The following CA10 variants were observed in gnomAD, a reference collection of about 807,000 sequenced individuals.
CA10 encodes carbonic anhydrase 10 (inactive).
In CA10, 14 loss-of-function variants were observed where a neutral mutation model predicts 44.2. The ratio of observed to expected loss-of-function variants is 0.32; its 90% CI spans 0.21 to 0.50. The LOEUF (loss-of-function observed/expected upper bound fraction) is 0.50. CA10 is among the 20% of genes least tolerant of loss of function. The pLI is 0.99. For synonymous variants in CA10, 159 were observed against 141.6 expected (o/e 1.12, Z -0.87); for missense variants, 350 against 409.7 (o/e 0.85, Z 1.26).
intron 1 of CA10, among the ~76,000 whole-genome samples, chr17:52,128,890 A>G (rs992991054): frequency 6.6e-6 from 1 of 152,056 alleles, no homozygotes; most frequent in African/African-American, 2.4e-5. Context: ...CTTTTGAATC[A>G]CCTTCCAATT....
chr17:52,150,359 A>G (rs1989677389), intron 1 of CA10, among the ~76,000 whole-genome samples: 1 of 152,164 alleles, frequency 6.6e-6, no homozygotes, highest in Admixed American at 6.6e-5. Context: ...TACAATGCCT[A>G]TCACATTCTG....
At chr17:51,789,455 A>G (rs572568551) in intron 3 of CA10, among the ~76,000 whole-genome samples, 15 of 152,288 alleles carry the variant, frequency 9.8e-5, no homozygotes, top group South Asian at 2.1e-4. Context: ...AGTTTCTTCT[A>G]TGTTCCATCA....
intron 2 of CA10, among the ~76,000 whole-genome samples, chr17:52,021,553 G>A (rs1986140418): frequency 6.6e-6 from 1 of 151,842 alleles, no homozygotes; most frequent in Admixed American, 6.6e-5. Context: ...CTGATAATTA[G>A]TAATGTTGTA....
chr17:51,803,978 T>C (rs1467385729), intron 3 of CA10, among the ~76,000 whole-genome samples: 1 of 152,196 alleles, frequency 6.6e-6, no homozygotes, highest in African/African-American at 2.4e-5. Context: ...ACTTGGATAC[T>C]CACTGGCCGT....
At chr17:51,932,463 G>C (rs1202735220) in intron 2 of CA10, among the ~76,000 whole-genome samples, 1 of 152,120 alleles carries the variant, frequency 6.6e-6, no homozygotes, top group Non-Finnish European at 1.5e-5. Flanking sequence ...ATAGGCAACT[G>C]TAACAGACAT....
intron 4 of CA10, among the ~76,000 whole-genome samples, chr17:51,673,592 G>T (rs916139511): frequency 6.6e-6 from 1 of 152,144 alleles, no homozygotes; most frequent in Admixed American, 6.5e-5. Context: ...AACTATTGCT[G>T]TCCTCTTTAT....
intron 2 of CA10, among the ~76,000 whole-genome samples, chr17:51,966,145 T>C (rs1304654777): frequency 6.6e-6 from 1 of 151,590 alleles, no homozygotes; most frequent in Non-Finnish European, 1.5e-5. Flanking sequence ...CCTAAAAATA[T>C]ATCTAACCAA....
At chr17:51,770,334 A>G (rs1296639169) in intron 3 of CA10, among the ~76,000 whole-genome samples, 2 of 151,652 alleles carry the variant, frequency 1.3e-5, no homozygotes, top group Non-Finnish European at 2.9e-5. Flanking sequence ...ATAATATCCT[A>G]TGTTTTCTCC....
intron 2 of CA10, among the ~76,000 whole-genome samples, chr17:51,982,221 T>C (rs1321166492): frequency 6.6e-6 from 1 of 152,000 alleles, no homozygotes; most frequent in African/African-American, 2.4e-5. Flanking sequence ...TTTCCTGGTA[T>C]TTAACATTTG....
In CA10 at chr17:51,817,678, G is replaced by A. The variant is rs115157031; in HGVS notation, c.280-69860C>T. On this transcript the variant is annotated intron_variant, in intron 3 of 8. Coordinates refer to ENST00000451037, the MANE Select transcript of CA10 (RefSeq NM_020178.5). ...TTTGTTTCCTTTGATGAGGTAGGCC[G>A]ACATCCTCAGATCTAGAAGGCATGC... 8.0e-3 allele frequency among the ~76,000 whole-genome samples: 1,210 copies of A among 152,194 alleles called. 18 individuals carry two copies. The highest frequency in any genetic ancestry group is 0.027 in the African/African-American group (1,140 of 41,520).
At chr17:52,102,968 T>A (rs1988575308) in intron 1 of CA10, among the ~76,000 whole-genome samples, 1 of 152,190 alleles carries the variant, frequency 6.6e-6, no homozygotes, top group African/African-American at 2.4e-5. Context: ...TCAAGGGCTT[T>A]CATGTATTAG....
chr17:52,112,451 T>A (rs1359583639), intron 1 of CA10, among the ~76,000 whole-genome samples: 1 of 152,188 alleles, frequency 6.6e-6, no homozygotes, highest in Non-Finnish European at 1.5e-5. Flanking sequence ...TGGAGCTGAA[T>A]AGGTGGGAAA....
At chr17:51,894,780 A>C (rs552250220) in intron 3 of CA10, among the ~76,000 whole-genome samples, 1 of 152,224 alleles carries the variant, frequency 6.6e-6, no homozygotes, top group African/African-American at 2.4e-5. Flanking sequence ...CAGCAATAGG[A>C]AACTAATACA....
At chr17:51,946,509 C>A (rs1983278222) in intron 2 of CA10, among the ~76,000 whole-genome samples, 1 of 152,110 alleles carries the variant, frequency 6.6e-6, no homozygotes, top group Non-Finnish European at 1.5e-5. Context: ...CCCGTGGGAC[C>A]TGTTTTCTGT....
intron 2 of CA10, among the ~76,000 whole-genome samples, chr17:52,005,945 GA>G (rs943954150): frequency 6.6e-6 from 1 of 151,696 alleles, no homozygotes; most frequent in Non-Finnish European, 1.5e-5. Context: ...GCAAAAAGAT[GA>G]AAAAAAGACT....
At chr17:51,665,780 G>A (rs1163317564) in intron 4 of CA10, among the ~76,000 whole-genome samples, 72 of 152,212 alleles carry the variant, frequency 4.7e-4, no homozygotes, top group Admixed American at 4.7e-3. Context: ...TGTAGTCTTA[G>A]GGGACCACTG....
chr17:51,872,134 C>G (rs922621369), intron 3 of CA10, among the ~76,000 whole-genome samples: 1 of 152,176 alleles, frequency 6.6e-6, no homozygotes, highest in Admixed American at 6.5e-5. Flanking sequence ...AGTGGCTACA[C>G]TTGGTCTTTT....
chr17:51,716,549 C>A (rs1026182101), intron 4 of CA10, among the ~76,000 whole-genome samples: 4 of 152,102 alleles, frequency 2.6e-5, no homozygotes, highest in African/African-American at 9.7e-5. Context: ...TGCCAGCCCC[C>A]CAGGGTTGAG....
intron 2 of CA10, among the ~76,000 whole-genome samples, chr17:52,011,410 A>C (rs1308214984): frequency 6.6e-6 from 1 of 152,024 alleles, no homozygotes; most frequent in Non-Finnish European, 1.5e-5. Flanking sequence ...CAATTTAAAA[A>C]ATTACATTCT....
Sources: gnomAD v4.1 joint callset for allele counts (sites outside exome capture counted in the v4.1 genomes callset) on GRCh38, gnomAD v4.1.1 for gene constraint, MANE v1.5 for transcripts, NCBI Gene and HGNC (gene_info 2026-07-23, HGNC 2026-07-21) for gene names.